Variants in NEDD4L observed in about 807,000 individuals in gnomAD.
NEDD4L encodes the protein E3 ubiquitin-protein ligase NEDD4-like.
NEDD4L carries 54 observed loss-of-function variants against 148.9 expected under a neutral mutation model. That is an observed-to-expected ratio of 0.36 (90% CI 0.29 to 0.45). The LOEUF (loss-of-function observed/expected upper bound fraction) is 0.45. NEDD4L is among the 20% of genes least tolerant of loss of function. The pLI, the probability that NEDD4L is intolerant of heterozygous loss-of-function variation, is 1.00. For synonymous variants in NEDD4L, 433 were observed against 440.7 expected, an observed-to-expected ratio of 0.98 and a Z score of 0.22; for missense variants, 856 against 1,233.8, an observed-to-expected ratio of 0.69 and a Z score of 4.59.
intron 2 of NEDD4L, among the ~76,000 whole-genome samples, chr18:58,215,359 T>G (rs2043061304): frequency 6.6e-6 from 1 of 152,206 alleles, no homozygotes; most frequent in South Asian, 2.1e-4. Flanking sequence ...CATCTCATTT[T>G]ATGTCTTCAG....
At chr18:58,078,744 G>A (rs1568184139) in intron 1 of NEDD4L, among the ~76,000 whole-genome samples, 1 of 152,180 alleles carries the variant, frequency 6.6e-6, no homozygotes, top group Non-Finnish European at 1.5e-5. Context: ...GAGCCAGTAG[G>A]TGACAGGATT....
chr18:58,289,748 T>C (rs1260656032), intron 5 of NEDD4L, among the ~76,000 whole-genome samples: 2 of 152,236 alleles, frequency 1.3e-5, no homozygotes, highest in Non-Finnish European at 2.9e-5. Flanking sequence ...GGCAGGAGAA[T>C]ATCTTCTATG....
chr18:58,193,294 T>C (rs985176181), intron 2 of NEDD4L, among the ~76,000 whole-genome samples: 19 of 152,208 alleles, frequency 1.2e-4, no homozygotes, highest in Non-Finnish European at 2.4e-4. Flanking sequence ...ACTGGGGTAA[T>C]GGAAGTAAGA....
intron 5 of NEDD4L, among the ~76,000 whole-genome samples, chr18:58,298,849 T>A (rs1204760056): frequency 6.6e-6 from 1 of 152,214 alleles, no homozygotes; most frequent in Non-Finnish European, 1.5e-5. Flanking sequence ...ATATTATTTC[T>A]TCCAGCAAAA....
rs73452698 is a variant in NEDD4L, at chr18:58,221,254, T to G, written c.123-24173T>G. 4.5e-3 allele frequency among the ~76,000 whole-genome samples: 692 copies of G among 152,274 alleles called. 6 individuals are homozygous for G. Among genetic ancestry groups the G allele is most frequent in the African/African-American group, 0.015 (618 of 41,544 alleles). ...CTGTTGGAAATGCCAAAATCTCTGA[T>G]CTGGCTTTAAATAAGCAAAACAGCC... On this transcript the variant is annotated intron_variant, in intron 2 of 30. Coordinates refer to ENST00000400345, the MANE Select transcript of NEDD4L (RefSeq NM_001144967.3).
At chr18:58,259,385 C>A (rs1395698526) in intron 5 of NEDD4L, among the ~76,000 whole-genome samples, 1 of 152,176 alleles carries the variant, frequency 6.6e-6, no homozygotes, top group Non-Finnish European at 1.5e-5. Flanking sequence ...CAGTCTGTGG[C>A]AGTCATTAGT....
chr18:58,221,760 A>G, intron 2 of NEDD4L: 14 of 977,848 alleles, frequency 1.4e-5, no homozygotes, highest in Non-Finnish European at 1.6e-5. Context: ...AAGTATAGGT[A>G]AGAACAAAGA....
intron 2 of NEDD4L, among the ~76,000 whole-genome samples, chr18:58,185,052 G>C (rs953439717): frequency 6.6e-6 from 1 of 152,232 alleles, no homozygotes; most frequent in African/African-American, 2.4e-5. Flanking sequence ...ATCAGCACCA[G>C]GCGTGCACGG....
At position 58,144,509 on chromosome 18, in the gene NEDD4L, A is replaced by C. The variant is rs533278846; in HGVS notation, c.49-21279A>C. On this transcript the variant is annotated intron_variant, in intron 1 of 30. Coordinates refer to ENST00000400345, the MANE Select transcript of NEDD4L (RefSeq NM_001144967.3). ...AACACCGGGGATTATTGTCAACATG[A>C]GATTTCGGGGACAAACATCCACACT... is the stretch of plus-strand genomic sequence containing the variant. 2.6e-5 allele frequency among the ~76,000 whole-genome samples: 4 copies of C among 152,290 alleles called. No homozygotes were observed. The East Asian group carries it at 7.7e-4, about 29-fold the overall frequency.
At chr18:58,313,871 A>G (rs897616809) in intron 5 of NEDD4L, among the ~76,000 whole-genome samples, 6 of 152,180 alleles carry the variant, frequency 3.9e-5, no homozygotes, top group African/African-American at 1.4e-4. Flanking sequence ...GTTTTGTTGA[A>G]GTGCACTTAG....
rs74183234 is a variant in NEDD4L, at chr18:58,062,987, C to CA, written c.48+18296dup. ...TGGGCGACAGAGCGAAACTCCATCTCAAAAAAAAAAAAAAAAAGAAATCGA... is the reference window on the plus strand; with the variant it reads ...TGGGCGACAGAGCGAAACTCCATCTCAAAAAAAAAAAAAAAAAAGAAATCGA... On this transcript the variant is annotated intron_variant, in intron 1 of 30. Coordinates refer to ENST00000400345, the MANE Select transcript of NEDD4L (RefSeq NM_001144967.3). Among the ~76,000 whole-genome samples the CA allele has an allele frequency of 3.9e-3, 370 of 93,962 alleles. 2 individuals carry two copies. The highest frequency in any genetic ancestry group is 0.015 in the African/African-American group (326 of 22,190). 61.6% of individuals were successfully genotyped at this position (93,962 alleles called of 152,430 possible). A position where few individuals can be genotyped will look rare whatever the true frequency, so the allele number is the denominator to read the frequency against.
At chr18:58,049,042 TCTTA>T (rs2081732930) in intron 1 of NEDD4L, among the ~76,000 whole-genome samples, 1 of 152,246 alleles carries the variant, frequency 6.6e-6, no homozygotes, top group African/African-American at 2.4e-5. Context: ...ATACTGTCCA[TCTTA>T]TGAAGCATCC....
At chr18:58,088,353 A>G (rs2083879101) in intron 1 of NEDD4L, among the ~76,000 whole-genome samples, 1 of 152,222 alleles carries the variant, frequency 6.6e-6, no homozygotes, top group Admixed American at 6.5e-5. Context: ...GTTTGATAAC[A>G]TAATTGGTAA....
At chr18:58,092,818 C>CAAA (rs56749032) in intron 1 of NEDD4L, among the ~76,000 whole-genome samples, 1 of 112,638 alleles carries the variant, frequency 8.9e-6, no homozygotes, top group Non-Finnish European at 2.0e-5. Flanking sequence ...TCCCTGGTAC[C>CAAA]AAAAAAAAAA....
chr18:58,100,158 AAGTG>A (rs2084667978), intron 1 of NEDD4L, among the ~76,000 whole-genome samples: 1 of 152,056 alleles, frequency 6.6e-6, no homozygotes, highest in Non-Finnish European at 1.5e-5. Context: ...GGGCTCAGGG[AAGTG>A]AGTACTATTT....
chr18:58,197,411 G>A (rs936380293), intron 2 of NEDD4L, among the ~76,000 whole-genome samples: 5 of 151,996 alleles, frequency 3.3e-5, no homozygotes, highest in Non-Finnish European at 5.9e-5. Flanking sequence ...AGGAAACGGG[G>A]CCCCCTCCTG....
chr18:58,388,853 T>C, intron 27 of NEDD4L: 2 of 547,376 alleles, frequency 3.7e-6, no homozygotes, highest in Non-Finnish European at 6.7e-6. Context: ...CGATACGACA[T>C]GCCGTGGCTT....
chr18:58,379,440 C>G (rs1163011697), intron 24 of NEDD4L, among the ~76,000 whole-genome samples: 4 of 152,220 alleles, frequency 2.6e-5, no homozygotes, highest in Non-Finnish European at 5.9e-5. Context: ...CCCTCCCCTC[C>G]TGTGGTGGCA....
intron 16 of NEDD4L, among the ~76,000 whole-genome samples, chr18:58,348,387 A>C (rs1568798298): frequency 2.4e-5 from 3 of 124,756 alleles, no homozygotes; most frequent in African/African-American, 9.7e-5. Context: ...CCTGGAGTTC[A>C]GTGGCACAAT....
Sources: allele counts gnomAD v4.1 joint callset (sites outside exome capture counted in the v4.1 genomes callset), GRCh38; gene constraint gnomAD v4.1.1; transcripts MANE v1.5; gene names NCBI Gene and HGNC (gene_info 2026-07-23, HGNC 2026-07-21).